ANKHD1: variants seen among roughly 807,000 people sequenced by gnomAD.
ANKHD1 encodes ankyrin repeat and KH domain-containing protein 1.
ANKHD1 carries 31 observed loss-of-function variants against 230.5 expected under a neutral mutation model. That is an observed-to-expected ratio of 0.13 (90% CI 0.10 to 0.18). The LOEUF is 0.18. Among genes scored for constraint, ANKHD1 ranks in the 10% least tolerant of loss-of-function variants. The pLI is 1.00. For missense variants in ANKHD1, 2,256 were observed against 3,071.3 expected (o/e 0.73, Z 6.27); for synonymous variants, 1,074 against 1,117.6 (o/e 0.96, Z 0.78).
intron 9 of ANKHD1, 63 bp downstream of exon 9, chr5:140,459,418 G>T (rs928653342): frequency 6.9e-7 from 1 of 1,443,036 alleles, no homozygotes; most frequent in East Asian, 2.4e-5. Flanking sequence ...TTTATATGTG[G>T]AATCTAAAAA....
chr5:140,491,939 A>T (rs1385393237), intron 14 of ANKHD1, among the ~76,000 whole-genome samples: 1 of 152,228 alleles, frequency 6.6e-6, no homozygotes, highest in African/African-American at 2.4e-5. Flanking sequence ...TAAGAAAGAC[A>T]TTGTGATTAA....
At chr5:140,431,775 A>G (rs982525725) in intron 1 of ANKHD1, among the ~76,000 whole-genome samples, 1 of 152,218 alleles carries the variant, frequency 6.6e-6, no homozygotes, top group South Asian at 2.1e-4. Flanking sequence ...AATTAACTCA[A>G]TAAATTATCT....
In ANKHD1 at chr5:140,485,974, T is replaced by C. The variant is rs1480265452; in HGVS notation, c.2142+242T>C. 1 of 478,842 alleles carries C rather than the reference T, an allele frequency of 2.1e-6. No homozygotes were observed. Among genetic ancestry groups the C allele is most frequent in the African/African-American group, 2.0e-5 (1 of 48,886 alleles). The allele number at this position is 478,842 out of a possible 1,614,324, so 29.7% of individuals were successfully genotyped here. On this transcript the variant is annotated intron_variant, in intron 13 of 33. Coordinates refer to ENST00000360839, the MANE Select transcript of ANKHD1 (RefSeq NM_017747.3). This position sits in a 1 kb window ranked among gnomAD's most constrained non-coding sequence, Gnocchi z 4.8. ...ACTTAATATCAAATATAAACGTAAG[T>C]ATTCTAAGTTGTTATCTTATTACAA... is the stretch of plus-strand genomic sequence containing the variant.
At position 140,524,278 on chromosome 5, in the gene ANKHD1, C is replaced by T. The variant is rs149424671; in HGVS notation, c.4492+38C>T. On this transcript the variant is annotated intron_variant, in intron 25 of 33. Coordinates refer to ENST00000360839, the MANE Select transcript of ANKHD1 (RefSeq NM_017747.3). ...CCATCTGAATTAACGATAAAATTCT[C>T]CTTTGTTTATCAACTTCATTTTGAG... 614 of 1,525,020 alleles carry T rather than the reference C, an allele frequency of 4.0e-4. 1 individual carries two copies. The highest frequency in any genetic ancestry group is 3.6e-3 in the African/African-American group (252 of 70,530). 94.5% of individuals were successfully genotyped at this position (1,525,020 alleles called of 1,614,324 possible).
chr5:140,512,708 G>A, intron 22 of ANKHD1, 120 bp from the exon 23 acceptor site: 1 of 765,916 alleles, frequency 1.3e-6, no homozygotes, highest in Non-Finnish European at 2.0e-6. Flanking sequence ...TAAATTGGTA[G>A]GCATATATGC....
At chr5:140,459,082 G>C (rs1467954454) in intron 8 of ANKHD1, 82 bp from the exon 9 acceptor site, 1 of 1,258,250 alleles carries the variant, frequency 7.9e-7, no homozygotes, top group Non-Finnish European at 1.0e-6. Flanking sequence ...AGAAGACAGA[G>C]ATGATTATCA....
chr5:140,513,524 G>C (rs560403029), intron 24 of ANKHD1, 45 bp downstream of exon 24: 1 of 1,590,518 alleles, frequency 6.3e-7, no homozygotes, highest in East Asian at 2.2e-5. Flanking sequence ...TATTGAGGGT[G>C]GGGGCCGGGC....
chr5:140,416,855 T>C (rs970995086), intron 1 of ANKHD1, among the ~76,000 whole-genome samples: 1 of 142,208 alleles, frequency 7.0e-6, no homozygotes, highest in Middle Eastern at 3.3e-3. Context: ...TTAGGATGGG[T>C]TTTTTTTTTT....
intron 1 of ANKHD1, among the ~76,000 whole-genome samples, chr5:140,410,129 C>T (rs1263276013): frequency 2.0e-5 from 3 of 151,856 alleles, no homozygotes; most frequent in African/African-American, 4.8e-5. Flanking sequence ...TCAATCTCAC[C>T]CTGCTCCCAC....
rs778704087 is a variant in ANKHD1, at chr5:140,537,558, A to C, written c.7197A>C (p.Gly2399=). 3 of 1,601,774 alleles carry C rather than the reference A, an allele frequency of 1.9e-6. No individual in the cohort carries two copies. Among genetic ancestry groups the C allele is most frequent in the Non-Finnish European group, 2.6e-6 (3 of 1,173,826 alleles). Residue 2399 remains glycine (G), a synonymous_variant, in exon 31 of 34, where the codon GGA becomes GGC. Transcript: ENST00000360839. ...TTGTCGCTCCCGTTGGACACAGTGG[A>C]ATCTGGTCATTTGGTGTCAATGCTG... The part of the protein sequence containing the change: ...TSFVAPVGHS[G]IWSFGVNAVS...
intron 1 of ANKHD1, among the ~76,000 whole-genome samples, chr5:140,415,439 C>CTTTT (rs1293254094): frequency 7.3e-6 from 1 of 136,380 alleles, no homozygotes; most frequent in Admixed American, 7.4e-5. Context: ...TTTGATACCT[C>CTTTT]TTTTTTTTTT....
At chr5:140,406,143 G>A (rs1348478470) in intron 1 of ANKHD1, among the ~76,000 whole-genome samples, 1 of 151,692 alleles carries the variant, frequency 6.6e-6, no homozygotes, top group Non-Finnish European at 1.5e-5. Flanking sequence ...GAGGCTGAGG[G>A]AGGAGAATCG....
chr5:140,479,171 T>G (rs567749542), intron 10 of ANKHD1, among the ~76,000 whole-genome samples: 41 of 151,306 alleles, frequency 2.7e-4, no homozygotes, highest in Non-Finnish European at 5.3e-4. Flanking sequence ...CTAATTTTGT[T>G]TTTTTTTGTA....
chr5:140,447,775 C>T (rs1774407628), intron 6 of ANKHD1, among the ~76,000 whole-genome samples: 1 of 152,114 alleles, frequency 6.6e-6, no homozygotes, highest in African/African-American at 2.4e-5. Flanking sequence ...GCTAGGACCC[C>T]AGCAGTTCAC....
rs1440894842 is a variant in ANKHD1 at position 140,436,231 on chromosome 5, G to A, written c.434G>A (p.Arg145Gln). 7.6e-6 allele frequency: 12 copies of A among 1,581,948 alleles called. No homozygotes were observed. Among genetic ancestry groups the A allele is most frequent in the African/African-American group, 2.7e-5 (2 of 73,186 alleles). ...ACTGTGGATCCAGAGACACAGGCAC[G>A]ACTAGAAGCATTGCTAGAAGCAGCA... ...LRTVDPETQA[R>Q]LEALLEAAGI... is the part of the protein sequence containing the mutation. The change falls in exon 2 of 34, where the codon CGA (arginine) becomes CAA (glutamine). Residue 145 changes from arginine to glutamine, a missense_variant. Arg to Gln is a conservative substitution (Grantham distance 43, BLOSUM62 1). Around this residue, in one of 13 missense-constraint regions of ANKHD1, gnomAD observed 206 missense variants for 304.5 expected, o/e 0.68. Coordinates refer to ENST00000360839, the MANE Select transcript of ANKHD1 (RefSeq NM_017747.3).
In ANKHD1 at chr5:140,507,921, C is replaced by T; in HGVS notation, c.3688C>T (p.Leu1230=). The T allele has an allele frequency of 6.2e-7, 1 of 1,614,054 alleles. No homozygotes were observed. Among genetic ancestry groups the T allele is most frequent in the Non-Finnish European group, 8.5e-7 (1 of 1,179,930 alleles). Residue 1230 remains leucine, a synonymous_variant, in exon 20 of 34, where the codon CTG becomes TTG. Transcript: ENST00000360839. This position sits in a 1 kb window ranked among gnomAD's most constrained non-coding sequence, Gnocchi z 4.1. ...IETNRNTALT[L]ACFQGRAEVV... is the part of the protein sequence containing the mutation. ...GACCAATCGGAACACGGCTCTCACC[C>T]TGGCCTGTTTCCAGGGCCGAGCAGA... is the stretch of plus-strand genomic sequence containing the variant.
Position 140,538,150 on chromosome 5 carries a change from C to T in ANKHD1, c.7293C>T (p.Asp2431=), listed in dbSNP as rs1388143597. 3.1e-6 allele frequency: 5 copies of T among 1,614,016 alleles called. No homozygotes were observed. Among genetic ancestry groups the T allele is most frequent in the East Asian group, 2.2e-5 (1 of 44,884 alleles). The change falls in exon 32 of 34, where the codon GAC becomes GAT. Residue 2431 remains aspartate (D), a synonymous_variant. Transcript: ENST00000360839. The part of the protein sequence containing the change: ...GNHPMHQQLS[D]PSTFSQHQPM... ...ATCCAATGCATCAACAATTATCAGACCCAAGCACATTCTCCCAACATCAGC... is the reference window on the plus strand; with the variant it reads ...ATCCAATGCATCAACAATTATCAGATCCAAGCACATTCTCCCAACATCAGC...
chr5:140,527,064 G>A lies in ANKHD1; in HGVS notation c.5077G>A (p.Val1693Ile), dbSNP rs746853788. 4 of 1,611,996 alleles carry A rather than the reference G, an allele frequency of 2.5e-6. No homozygotes were observed. In the African/African-American group the frequency reaches 4.0e-5, roughly 16 times the overall value. Residue 1693 changes from valine (V) to isoleucine (I), a missense_variant, in exon 27 of 34, where the codon GTT (valine) becomes ATT (isoleucine). Transcript: ENST00000360839. This position sits in a 1 kb window ranked among gnomAD's most constrained non-coding sequence, Gnocchi z 4.5. ...GQKREEGWKEVVRRSKKLSVP... is the reference protein window; with the variant it reads ...GQKREEGWKEIVRRSKKLSVP... ...GAAAAGAGAAGAAGGGTGGAAAGAA[G>A]TTGTACGAAGGTAAATAGAATTAGT... is the stretch of plus-strand genomic sequence containing the variant.
At chr5:140,463,005 C>G (rs1327110030) in intron 9 of ANKHD1, among the ~76,000 whole-genome samples, 3 of 151,886 alleles carry the variant, frequency 2.0e-5, no homozygotes, top group Non-Finnish European at 4.4e-5. Context: ...ACCACTATGC[C>G]CCGCTAATTT....
Sources: gnomAD v4.1 joint callset for allele counts (sites outside exome capture counted in the v4.1 genomes callset) on GRCh38, gnomAD v4.1.1 for gene constraint, gnomAD v4.1.1 regional missense constraint, Gnocchi (gnomAD v3.1) non-coding constraint, MANE v1.5 for transcripts, NCBI Gene and HGNC (gene_info 2026-07-23, HGNC 2026-07-21) for gene names.